NTM: variants seen among roughly 807,000 people sequenced by gnomAD.
The protein encoded by NTM is IgLON family member 2.
In NTM, 13 loss-of-function variants were observed where a neutral mutation model predicts 42.1. That is an observed-to-expected ratio of 0.31 (90% CI 0.20 to 0.49). The LOEUF (loss-of-function observed/expected upper bound fraction) is 0.49, where lower values mean the gene tolerates loss of function less well. NTM is among the 20% of genes least tolerant of loss of function. NTM has a pLI of 0.99. For missense variants in NTM, 373 were observed against 452.8 expected, an observed-to-expected ratio of 0.82 and a Z score of 1.60; for synonymous variants, 187 against 179.2, an observed-to-expected ratio of 1.04 and a Z score of -0.35.
Position 132,314,817 on chromosome 11 carries a change from TGGAGAGGGA to T in NTM, c.934+118_934+126del, listed in dbSNP as rs1431225094. The T allele has an allele frequency of 6.5e-6, 9 of 1,385,338 alleles. No homozygotes were observed. The African/African-American group carries it at 7.3e-5, about 11-fold the overall frequency. 85.8% of individuals were successfully genotyped at this position (1,385,338 alleles called of 1,614,324 possible). On this transcript the variant is annotated intron_variant, in intron 7 of 8. Coordinates refer to ENST00000683400, the MANE Select transcript of NTM (RefSeq NM_001352005.2). ...GAGGTTAGCAGGGTATCAGTGGACA[TGGAGAGGGA>T]GGAAAAAAAAGAGAGAGACACAGAA... is the stretch of plus-strand genomic sequence containing the variant.
chr11:131,405,156 T>C (rs1215307479), intron 1 of NTM, among the ~76,000 whole-genome samples: 1 of 152,206 alleles, frequency 6.6e-6, no homozygotes, highest in East Asian at 1.9e-4. Flanking sequence ...AGAAGAGTTC[T>C]GATCAAGGGA....
chr11:132,298,906 ACACACG>A (rs2094727826), intron 4 of NTM, among the ~76,000 whole-genome samples: 1 of 152,214 alleles, frequency 6.6e-6, no homozygotes, highest in South Asian at 2.1e-4. Context: ...ACACACACAC[ACACACG>A]AAATTTATAG....
At chr11:131,510,198 G>A (rs1252577648) in intron 1 of NTM, among the ~76,000 whole-genome samples, 2 of 152,210 alleles carry the variant, frequency 1.3e-5, no homozygotes, top group South Asian at 2.1e-4. Flanking sequence ...TTCGGAGAAT[G>A]AGCCCTACAC....
chr11:132,051,646 G>A (rs2078871172), intron 2 of NTM, among the ~76,000 whole-genome samples: 1 of 152,136 alleles, frequency 6.6e-6, no homozygotes, highest in Non-Finnish European at 1.5e-5. Flanking sequence ...GGCAGGACTG[G>A]CACAGGATGC....
At chr11:131,432,885 A>G (rs1210036228) in intron 1 of NTM, among the ~76,000 whole-genome samples, 2 of 79,602 alleles carry the variant, frequency 2.5e-5, no homozygotes, top group Non-Finnish European at 4.8e-5. Flanking sequence ...ACGGAGTCTC[A>G]CTCTGTTTGC....
chr11:131,432,485 G>C (rs573874310), intron 1 of NTM, among the ~76,000 whole-genome samples: 1 of 152,138 alleles, frequency 6.6e-6, no homozygotes, highest in Non-Finnish European at 1.5e-5. Flanking sequence ...AAAGATCAAC[G>C]CTGCCTGGTT....
rs545466172 is a variant in NTM, at chr11:131,622,036, C to T, written c.82+251148C>T. Among the ~76,000 whole-genome samples the T allele has an allele frequency of 5.6e-3, 846 of 152,220 alleles. 3 individuals are homozygous for T. The highest frequency in any genetic ancestry group is 9.0e-3 in the Non-Finnish European group (611 of 68,018). On this transcript the variant is annotated intron_variant, in intron 1 of 8. Coordinates refer to ENST00000683400, the MANE Select transcript of NTM (RefSeq NM_001352005.2). ...AAAGCCACATTCCTGAGAAGGGTCC[C>T]GTGGCTGTGGTCCAGGCAGGCCCAC...
chr11:131,976,116 ATTCCTTCC>A (rs373955090), intron 2 of NTM, among the ~76,000 whole-genome samples: 1,252 of 123,864 alleles, frequency 0.01, 14 homozygotes, highest in African/African-American at 0.023. Flanking sequence ...TCCCTCCCTC[ATTCCTTCC>A]TTCCTTCCTT....
intron 1 of NTM, among the ~76,000 whole-genome samples, chr11:131,474,871 A>G (rs967248886): frequency 6.6e-6 from 1 of 152,130 alleles, no homozygotes; most frequent in Non-Finnish European, 1.5e-5. Context: ...AGCGGGCCAT[A>G]TTAGTACCCA....
intron 3 of NTM, among the ~76,000 whole-genome samples, chr11:132,176,368 G>GA (rs5795757): frequency 2.5e-4 from 37 of 149,174 alleles, no homozygotes; most frequent in Admixed American, 4.7e-4. Context: ...AAAAAAAAAA[G>GA]AAAAAAAAAA....
chr11:131,974,796 G>A (rs953738051), intron 2 of NTM, among the ~76,000 whole-genome samples: 2 of 152,102 alleles, frequency 1.3e-5, no homozygotes, highest in South Asian at 2.1e-4. Flanking sequence ...CACATACTTA[G>A]CACTGCATAA....
chr11:132,279,845 A>G (rs2093899401), intron 4 of NTM, among the ~76,000 whole-genome samples: 1 of 152,132 alleles, frequency 6.6e-6, no homozygotes, highest in Non-Finnish European at 1.5e-5. Context: ...AAAGATTCAC[A>G]TCGTGTTATA....
intron 1 of NTM, among the ~76,000 whole-genome samples, chr11:131,688,111 G>A (rs1489463609): frequency 2.6e-5 from 4 of 152,210 alleles, no homozygotes; most frequent in Non-Finnish European, 4.4e-5. Context: ...TCTCACATCT[G>A]GATGAGGAGC....
At chr11:132,004,626 T>A (rs1287120565) in intron 2 of NTM, among the ~76,000 whole-genome samples, 30 of 150,174 alleles carry the variant, frequency 2.0e-4, no homozygotes, top group African/African-American at 7.2e-4. Flanking sequence ...TCTCTCTCTC[T>A]CTCTCTCTCA....
chr11:131,514,338 G>C (rs1180952110), intron 1 of NTM, among the ~76,000 whole-genome samples: 1 of 152,084 alleles, frequency 6.6e-6, no homozygotes, highest in South Asian at 2.1e-4. Flanking sequence ...ACATTCAGCT[G>C]AGTGCCCAGC....
chr11:131,587,827 A>G (rs1289322237), intron 1 of NTM, among the ~76,000 whole-genome samples: 1 of 152,180 alleles, frequency 6.6e-6, no homozygotes, highest in African/African-American at 2.4e-5. Flanking sequence ...TGACAGCATG[A>G]AAGAAGAGGT....
At chr11:131,497,038 C>T (rs1955419259) in intron 1 of NTM, among the ~76,000 whole-genome samples, 1 of 152,148 alleles carries the variant, frequency 6.6e-6, no homozygotes, top group Non-Finnish European at 1.5e-5. Context: ...GGCTTTGCTT[C>T]ACAGTGAGGC....
intron 1 of NTM, among the ~76,000 whole-genome samples, chr11:131,419,200 T>G (rs1257651738): frequency 1.3e-5 from 2 of 152,198 alleles, no homozygotes; most frequent in Non-Finnish European, 2.9e-5. Flanking sequence ...AGACCTGGGC[T>G]TCATCCTTGC....
intron 1 of NTM, among the ~76,000 whole-genome samples, chr11:131,789,880 C>T (rs1437536991): frequency 2.2e-5 from 3 of 134,138 alleles, no homozygotes; most frequent in Non-Finnish European, 3.1e-5. Flanking sequence ...GGCGTGAACC[C>T]GGGAGGCGGA....
Sources: gnomAD v4.1 joint callset for allele counts (sites outside exome capture counted in the v4.1 genomes callset) on GRCh38, gnomAD v4.1.1 for gene constraint, MANE v1.5 for transcripts, NCBI Gene and HGNC (gene_info 2026-07-23, HGNC 2026-07-21) for gene names.